Variants in TEK observed in about 807,000 individuals in gnomAD.
TEK encodes TEK receptor tyrosine kinase.
In TEK, 43 loss-of-function variants were observed where a neutral mutation model predicts 131.8. That is an observed-to-expected ratio of 0.33 (90% CI 0.26 to 0.42). The LOEUF is 0.42. Ranked by LOEUF, TEK falls within the 10% of genes least tolerant of loss-of-function variation. The probability of loss-of-function intolerance (pLI) is 1.00; values close to 1 mark genes in which losing one functional copy is unlikely to be tolerated. For missense variants in TEK, 1,162 were observed against 1,384.4 expected (o/e 0.84, Z 2.55); for synonymous variants, 580 against 491.6 (o/e 1.18, Z -2.38).
intron 1 of TEK, among the ~76,000 whole-genome samples, chr9:27,151,712 C>T (rs564674360): frequency 4.6e-5 from 7 of 152,220 alleles, no homozygotes; most frequent in South Asian, 2.1e-4. Flanking sequence ...CTATAAGCTA[C>T]GAGACGGTTG....
chr9:27,192,233 AAGCACCAG>A (rs1824847917), intron 10 of TEK, among the ~76,000 whole-genome samples: 1 of 152,176 alleles, frequency 6.6e-6, no homozygotes. Flanking sequence ...GAAAAGACAA[AAGCACCAG>A]AGCAGAAATG....
intron 1 of TEK, among the ~76,000 whole-genome samples, chr9:27,145,218 G>A (rs567206696): frequency 2.0e-5 from 3 of 152,286 alleles, no homozygotes; most frequent in East Asian, 3.9e-4. Flanking sequence ...TTGCTTGCAC[G>A]TGCAGAGAAC....
chr9:27,138,143 T>C (rs1169303068), intron 1 of TEK, among the ~76,000 whole-genome samples: 1 of 152,236 alleles, frequency 6.6e-6, no homozygotes, highest in Non-Finnish European at 1.5e-5. Context: ...TTTCAGCTCA[T>C]AAAGGTAGTG....
chr9:27,164,973 TG>T (rs1447315924), intron 2 of TEK, among the ~76,000 whole-genome samples: 1 of 152,228 alleles, frequency 6.6e-6, no homozygotes, highest in East Asian at 1.9e-4. Context: ...GCCAGGCTCC[TG>T]TGTCATCAGA....
chr9:27,218,098 A>G (rs1318378952), intron 19 of TEK, among the ~76,000 whole-genome samples: 3 of 139,182 alleles, frequency 2.2e-5, no homozygotes, highest in South Asian at 2.6e-4. Context: ...GCAACCCAGA[A>G]TAGCTGCTGG....
chr9:27,157,327 G>A (rs1184525607), intron 1 of TEK, among the ~76,000 whole-genome samples: 3 of 152,280 alleles, frequency 2.0e-5, no homozygotes, highest in Non-Finnish European at 4.4e-5. Context: ...CTTAGTCACT[G>A]TCTGTCACTT....
In TEK at chr9:27,196,762, C is replaced by CTTTT. The variant is rs367911024; in HGVS notation, c.1625-533_1625-530dup. 5.6e-3 allele frequency among the ~76,000 whole-genome samples: 555 copies of CTTTT among 99,258 alleles called. 6 individuals carry two copies. The highest frequency in any genetic ancestry group is 0.021 in the African/African-American group (521 of 25,298). The allele number at this position is 99,258 out of a possible 152,430, so 65.1% of individuals were successfully genotyped here. On this transcript the variant is annotated intron_variant, in intron 11 of 22. Transcript: ENST00000380036. ...GAGTGAGGGGGGGCGGTGCTATACA[C>CTTTT]TTTTTTTTTTTTTTTTTTTTTTTAC...
chr9:27,229,168 A>T lies in TEK; in HGVS notation c.3311A>T (p.Asn1104Ile), dbSNP rs1391070636. Reference protein sequence around the residue: ...RMLEERKTYVNTTLYEKFTYA... With the variant: ...RMLEERKTYVITTLYEKFTYA... ...TTTTCATTCTTCCAGACCTACGTGA[A>T]TACCACGCTTTATGAGAAGTTTACT... Residue 1104 changes from asparagine (N) to isoleucine (I), a missense_variant, in exon 23 of 23, where the codon AAT becomes ATT. Physicochemically the swap from Asn to Ile is moderately radical, Grantham distance 149 (BLOSUM62 -3). Around this residue, in one of 6 missense-constraint regions of TEK, gnomAD observed 84 missense variants for 80.3 expected, o/e 1.05. Transcript: ENST00000380036. The T allele has an allele frequency of 1.2e-6, 2 of 1,613,806 alleles. No individual in the cohort carries two copies. Among genetic ancestry groups the T allele is most frequent in the Non-Finnish European group, 1.7e-6 (2 of 1,179,714 alleles).
intron 12 of TEK, among the ~76,000 whole-genome samples, chr9:27,200,100 A>T (rs1237321647): frequency 6.6e-6 from 1 of 152,140 alleles, no homozygotes; most frequent in African/African-American, 2.4e-5. Flanking sequence ...TCCCAATGCC[A>T]CGTATTGAGT....
At chr9:27,183,661 T>C in intron 8 of TEK, 51 bp downstream of exon 8, 2 of 1,600,090 alleles carry the variant, frequency 1.2e-6, no homozygotes, top group Non-Finnish European at 1.7e-6. Flanking sequence ...TGCTTCAGTG[T>C]AGTAATCACC....
chr9:27,124,212 C>G (rs940007788), intron 1 of TEK, among the ~76,000 whole-genome samples: 1 of 152,234 alleles, frequency 6.6e-6, no homozygotes, highest in East Asian at 1.9e-4. Context: ...ACAAACTACT[C>G]CCAAAACTCA....
chr9:27,223,567 A>T (rs1826178985), intron 21 of TEK, among the ~76,000 whole-genome samples: 1 of 152,228 alleles, frequency 6.6e-6, no homozygotes, highest in Non-Finnish European at 1.5e-5. Flanking sequence ...CTCTGAAACC[A>T]GTGAGAACAA....
chr9:27,153,745 T>C (rs1416595043), intron 1 of TEK, among the ~76,000 whole-genome samples: 1 of 152,232 alleles, frequency 6.6e-6, no homozygotes, highest in Non-Finnish European at 1.5e-5. Context: ...ATCTGTCTTC[T>C]GGCAATGATT....
At chr9:27,211,882 G>A (rs1046428447) in intron 16 of TEK, among the ~76,000 whole-genome samples, 2 of 151,556 alleles carry the variant, frequency 1.3e-5, no homozygotes, top group African/African-American at 4.9e-5. Context: ...TATAAATGTC[G>A]ATGTTTTTAG....
chr9:27,180,654 C>A (rs760581682), intron 7 of TEK, among the ~76,000 whole-genome samples: 34 of 152,152 alleles, frequency 2.2e-4, no homozygotes, highest in Non-Finnish European at 4.6e-4. Context: ...TTTCTGCTCC[C>A]TTCTCTAGGA....
chr9:27,217,305 T>C (rs1226483974), intron 18 of TEK, among the ~76,000 whole-genome samples: 7 of 152,200 alleles, frequency 4.6e-5, no homozygotes, highest in African/African-American at 1.7e-4. Context: ...CTCTTCACCC[T>C]ACCCCAGTTT....
At chr9:27,206,909 G>A in intron 15 of TEK, 117 bp downstream of exon 15, 1 of 1,143,524 alleles carries the variant, frequency 8.7e-7, no homozygotes, top group South Asian at 1.3e-5. Flanking sequence ...AGACATAGCT[G>A]TTATTTGCAA....
chr9:27,136,082 G>GTTTTTTTTT (rs1335849233), intron 1 of TEK, among the ~76,000 whole-genome samples: 1 of 99,194 alleles, frequency 1.0e-5, no homozygotes, highest in Admixed American at 1.0e-4. Context: ...TCCCAGGGCA[G>GTTTTTTTTT]TTATTTTTTT....
chr9:27,110,385 G>T (rs1354416479), intron 1 of TEK, among the ~76,000 whole-genome samples: 1 of 152,132 alleles, frequency 6.6e-6, no homozygotes, highest in Non-Finnish European at 1.5e-5. Context: ...TGGGTTCAGC[G>T]TGTTTATTGC....
Sources: gnomAD v4.1 joint callset for allele counts (sites outside exome capture counted in the v4.1 genomes callset) on GRCh38, gnomAD v4.1.1 for gene constraint, gnomAD v4.1.1 regional missense constraint, MANE v1.5 for transcripts, NCBI Gene and HGNC (gene_info 2026-07-23, HGNC 2026-07-21) for gene names.